STXBP5L: variants seen among roughly 807,000 people sequenced by gnomAD.
STXBP5L encodes syntaxin binding protein 5L.
A neutral mutation model predicts 144.5 loss-of-function variants in STXBP5L; 65 were observed. The ratio of observed to expected loss-of-function variants is 0.45; its 90% CI spans 0.37 to 0.55. The LOEUF is 0.55. Ranked by LOEUF, STXBP5L falls within the 20% of genes least tolerant of loss-of-function variation. STXBP5L has a pLI of 0.00. For synonymous variants in STXBP5L, 505 were observed against 469.6 expected (o/e 1.08, Z -0.97); for missense variants, 1,298 against 1,405.5 (o/e 0.92, Z 1.22).
intron 5 of STXBP5L, among the ~76,000 whole-genome samples, chr3:121,098,820 A>G (rs1288866729): frequency 6.6e-6 from 1 of 152,142 alleles, no homozygotes; most frequent in East Asian, 1.9e-4. Flanking sequence ...GCATGTCTGT[A>G]GGGAGCATCC....
intron 3 of STXBP5L, among the ~76,000 whole-genome samples, chr3:120,992,489 T>C (rs2107977456): frequency 6.6e-6 from 1 of 152,248 alleles, no homozygotes; most frequent in East Asian, 1.9e-4. Flanking sequence ...ACTACCATTC[T>C]ACACTCTACC....
chr3:120,918,946 C>T (rs1709235038), intron 2 of STXBP5L, among the ~76,000 whole-genome samples: 1 of 151,952 alleles, frequency 6.6e-6, no homozygotes, highest in Non-Finnish European at 1.5e-5. Context: ...CCACAAGATG[C>T]CAAATAGAGA....
At chr3:121,121,336 A>G (rs978961135) in intron 6 of STXBP5L, among the ~76,000 whole-genome samples, 22 of 151,324 alleles carry the variant, frequency 1.5e-4, no homozygotes, top group Admixed American at 5.9e-4. Context: ...TAAAAATTCA[A>G]TTAAAAAAAT....
intron 5 of STXBP5L, among the ~76,000 whole-genome samples, chr3:121,067,376 T>A: frequency 6.6e-6 from 1 of 152,146 alleles, no homozygotes; most frequent in Non-Finnish European, 1.5e-5. Flanking sequence ...ATTTTTCCTA[T>A]AGTTTCTTAT....
At chr3:121,388,809 A>G (rs1463094365) in intron 22 of STXBP5L, among the ~76,000 whole-genome samples, 1 of 152,042 alleles carries the variant, frequency 6.6e-6, no homozygotes, top group South Asian at 2.1e-4. Flanking sequence ...TTTATTGAGG[A>G]TTTTCACATC....
chr3:121,370,661 C>A (rs1194175248), intron 20 of STXBP5L, among the ~76,000 whole-genome samples: 3 of 152,220 alleles, frequency 2.0e-5, no homozygotes, highest in Non-Finnish European at 2.9e-5. Context: ...TAGATTCAGT[C>A]TCTTTGCATA....
At chr3:121,136,656 G>A (rs554421460) in intron 7 of STXBP5L, among the ~76,000 whole-genome samples, 1 of 152,326 alleles carries the variant, frequency 6.6e-6, no homozygotes, top group Non-Finnish European at 1.5e-5. Context: ...AGCCATTGTG[G>A]AAAGCAATCT....
intron 20 of STXBP5L, among the ~76,000 whole-genome samples, chr3:121,369,832 G>T (rs1576303406): frequency 6.6e-6 from 1 of 152,148 alleles, no homozygotes; most frequent in Non-Finnish European, 1.5e-5. Context: ...TGGTCTTCTT[G>T]TGGTCTTCTT....
At chr3:120,945,140 A>G (rs892974840) in intron 2 of STXBP5L, among the ~76,000 whole-genome samples, 1 of 151,740 alleles carries the variant, frequency 6.6e-6, no homozygotes, top group Non-Finnish European at 1.5e-5. Context: ...AAATTTTGAG[A>G]CAGTTTATGT....
intron 5 of STXBP5L, among the ~76,000 whole-genome samples, chr3:121,077,849 G>A (rs184035969): frequency 1.3e-5 from 2 of 152,196 alleles, no homozygotes; most frequent in East Asian, 3.9e-4. Flanking sequence ...CACAAACCCT[G>A]AGCTAGACAC....
At chr3:121,104,596 CACTT>C (rs2043598786) in intron 5 of STXBP5L, among the ~76,000 whole-genome samples, 1 of 152,184 alleles carries the variant, frequency 6.6e-6, no homozygotes, top group Non-Finnish European at 1.5e-5. Context: ...TAAAGCCAAA[CACTT>C]ACAGCCAACT....
chr3:120,975,945 C>T (rs1432323904), intron 3 of STXBP5L, among the ~76,000 whole-genome samples: 1 of 152,140 alleles, frequency 6.6e-6, no homozygotes, highest in Admixed American at 6.6e-5. Context: ...ATTCTGTTTG[C>T]CAGTATTTTA....
At chr3:121,153,821 A>G (rs2046019771) in intron 8 of STXBP5L, among the ~76,000 whole-genome samples, 1 of 151,916 alleles carries the variant, frequency 6.6e-6, no homozygotes, top group South Asian at 2.1e-4. Flanking sequence ...CTTTATAATC[A>G]AATTCTTCAG....
At chr3:121,077,500 A>T (rs955425738) in intron 5 of STXBP5L, among the ~76,000 whole-genome samples, 2 of 152,280 alleles carry the variant, frequency 1.3e-5, no homozygotes, top group Middle Eastern at 3.4e-3. Context: ...TCATAAAGGC[A>T]GTGTGGACCC....
intron 9 of STXBP5L, among the ~76,000 whole-genome samples, chr3:121,167,114 A>T (rs1357959777): frequency 2.6e-5 from 4 of 152,322 alleles, no homozygotes; most frequent in Admixed American, 2.6e-4. Flanking sequence ...ACAAGGAAGC[A>T]AGCATTGAAA....
intron 3 of STXBP5L, among the ~76,000 whole-genome samples, chr3:120,981,133 G>A (rs35511349): frequency 0.15 from 22,681 of 151,734 alleles, 2,102 homozygotes; most frequent in East Asian, 0.49. Flanking sequence ...TCCACTTTTA[G>A]GACTTTCTCT....
At chr3:121,222,734 C>T (rs4085716) in intron 10 of STXBP5L, among the ~76,000 whole-genome samples, 15,094 of 152,104 alleles carry the variant, frequency 0.099, 1,180 homozygotes, top group Admixed American at 0.2. Flanking sequence ...AGCACATCTA[C>T]CTTCCTCCAA....
At chr3:121,250,873 CAT>C in intron 15 of STXBP5L, 110 bp downstream of exon 15, 1 of 864,856 alleles carries the variant, frequency 1.2e-6, no homozygotes, top group Non-Finnish European at 1.8e-6. Context: ...TTTTAGCACA[CAT>C]ATGTGGCTGT....
chr3:121,291,251 C>A (rs1345553020), intron 19 of STXBP5L, among the ~76,000 whole-genome samples: 1 of 151,950 alleles, frequency 6.6e-6, no homozygotes, highest in South Asian at 2.1e-4. Flanking sequence ...TGCTATATAC[C>A]AATAGTGACC....
Sources: gnomAD v4.1 joint callset for allele counts (sites outside exome capture counted in the v4.1 genomes callset) on GRCh38, gnomAD v4.1.1 for gene constraint, MANE v1.5 for transcripts, NCBI Gene and HGNC (gene_info 2026-07-23, HGNC 2026-07-21) for gene names.